The following MARCHF6 variants were observed in gnomAD, a reference collection of about 807,000 sequenced individuals.
MARCHF6 encodes the protein membrane associated ring-CH-type finger 6.
In MARCHF6, 31 loss-of-function variants were observed where a neutral mutation model predicts 133.7. The observed-to-expected ratio is 0.23, with a 90% CI of 0.17 to 0.31. MARCHF6 has a LOEUF of 0.31. Among genes scored for constraint, MARCHF6 ranks in the 10% least tolerant of loss-of-function variants. The pLI is 1.00. For missense variants in MARCHF6, 723 were observed against 1,121.6 expected (o/e 0.64, Z 5.08); for synonymous variants, 395 against 402.5 (o/e 0.98, Z 0.22).
At chr5:10,393,016 T>TG (rs1283085925) in intron 7 of MARCHF6, among the ~76,000 whole-genome samples, 5 of 152,182 alleles carry the variant, frequency 3.3e-5, no homozygotes, top group African/African-American at 9.7e-5. Flanking sequence ...TGATGAGTGT[T>TG]GTGCGGGTTG....
intron 1 of MARCHF6, among the ~76,000 whole-genome samples, chr5:10,362,050 A>G (rs984024278): frequency 1.3e-5 from 2 of 152,152 alleles, no homozygotes; most frequent in South Asian, 4.1e-4. Flanking sequence ...GGTGTGAGCC[A>G]CTGTGCCTGG....
intron 1 of MARCHF6, among the ~76,000 whole-genome samples, chr5:10,356,343 ATTTATTTTATTTTATTTTATTTTAT>A (rs56348470): frequency 1.2e-3 from 124 of 101,490 alleles, no homozygotes; most frequent in African/African-American, 2.1e-3. Context: ...TCTGTTTTTT[ATTTATTTTATTTTATTTTATTTTAT>A]TTTATTTTAT....
At chr5:10,381,360 T>C (rs1737132493) in intron 3 of MARCHF6, among the ~76,000 whole-genome samples, 1 of 152,222 alleles carries the variant, frequency 6.6e-6, no homozygotes, top group African/African-American at 2.4e-5. Context: ...CGGACTGTTG[T>C]GCTTTTTGAG....
intron 1 of MARCHF6, among the ~76,000 whole-genome samples, chr5:10,355,289 T>A (rs1735383041): frequency 6.6e-6 from 1 of 152,238 alleles, no homozygotes; most frequent in Admixed American, 6.5e-5. Flanking sequence ...TTTTGACAGG[T>A]GGTCCTTGCG....
intron 1 of MARCHF6, among the ~76,000 whole-genome samples, chr5:10,365,881 G>A (rs1006292131): frequency 1.3e-5 from 2 of 152,076 alleles, no homozygotes; most frequent in African/African-American, 4.8e-5. Flanking sequence ...AAGTAAGGGA[G>A]TGTGGTCATT....
At chr5:10,360,136 G>A (rs1045633551) in intron 1 of MARCHF6, among the ~76,000 whole-genome samples, 7 of 124,178 alleles carry the variant, frequency 5.6e-5, no homozygotes, top group African/African-American at 2.1e-4. Context: ...AAAGTTGTAT[G>A]TGTGTGTGTT....
Position 10,402,469 on chromosome 5 carries a change from C to G in MARCHF6, c.1122+17C>G, listed in dbSNP as rs759122728. 22 of 1,613,036 alleles carry G rather than the reference C, an allele frequency of 1.4e-5. No individual in the cohort carries two copies. Among genetic ancestry groups the G allele is most frequent in the Middle Eastern group, 1.6e-4 (1 of 6,080 alleles). On this transcript the variant is annotated intron_variant, in intron 13 of 25. Coordinates refer to ENST00000274140, the MANE Select transcript of MARCHF6 (RefSeq NM_005885.4). ...GTTGTTAAGGTAATTCCTGTTATAA[C>G]TTAAAATTGGAAATGATTTCTCCTA...
chr5:10,386,857 G>A, intron 4 of MARCHF6, 137 bp from the exon 5 acceptor site: 1 of 603,450 alleles, frequency 1.7e-6, no homozygotes, highest in Non-Finnish European at 3.1e-6. Flanking sequence ...TTAATATTTT[G>A]AGACTTAGGC....
rs1736945667 is a variant in MARCHF6, at chr5:10,378,848, A to G, written c.190+16A>G. ...TTTACACCAAGTAAGTTCTTTAGAC[A>G]TTTTCACTGCATTTTTTTTGGTTAT... On this transcript the variant is annotated intron_variant, in intron 3 of 25. Transcript: ENST00000274140. 1 of 1,569,072 alleles carries G rather than the reference A, an allele frequency of 6.4e-7. No homozygotes were observed. The highest frequency in any genetic ancestry group is 1.1e-5 in the South Asian group (1 of 89,052).
At chr5:10,380,931 A>C (rs1202850759) in intron 3 of MARCHF6, among the ~76,000 whole-genome samples, 1 of 151,984 alleles carries the variant, frequency 6.6e-6, no homozygotes, top group African/African-American at 2.4e-5. Flanking sequence ...TGACTCAAAA[A>C]AAAAAAAAAA....
chr5:10,418,322 G>A (rs1394195438), intron 22 of MARCHF6, among the ~76,000 whole-genome samples: 2 of 151,264 alleles, frequency 1.3e-5, no homozygotes, highest in Non-Finnish European at 2.9e-5. Flanking sequence ...CGCGGTTGCA[G>A]TGAGCTGAGA....
chr5:10,424,576 G>A (rs1415189362), intron 23 of MARCHF6, among the ~76,000 whole-genome samples: 1 of 152,186 alleles, frequency 6.6e-6, no homozygotes, highest in Non-Finnish European at 1.5e-5. Flanking sequence ...CATCAACCAC[G>A]TTTAAGCCAT....
chr5:10,418,681 G>A (rs561235641), intron 22 of MARCHF6, among the ~76,000 whole-genome samples: 1 of 152,158 alleles, frequency 6.6e-6, no homozygotes, highest in African/African-American at 2.4e-5. Flanking sequence ...TCCAGATGGA[G>A]AACCTCCACA....
At chr5:10,431,582 C>CTTTA (rs1740363167) in intron 25 of MARCHF6, among the ~76,000 whole-genome samples, 1 of 151,820 alleles carries the variant, frequency 6.6e-6, no homozygotes, top group African/African-American at 2.4e-5. Flanking sequence ...TATATGTACT[C>CTTTA]TTTAGCACAG....
chr5:10,414,912 C>A (rs1739417586), intron 20 of MARCHF6, among the ~76,000 whole-genome samples: 1 of 152,198 alleles, frequency 6.6e-6, no homozygotes, highest in Non-Finnish European at 1.5e-5. Flanking sequence ...ATCCATTTTT[C>A]ACATTCCAGC....
chr5:10,418,590 T>A (rs986801737), intron 22 of MARCHF6, among the ~76,000 whole-genome samples: 24 of 152,220 alleles, frequency 1.6e-4, no homozygotes, highest in Non-Finnish European at 5.9e-5. Flanking sequence ...GCTTTTTAGC[T>A]TTGTTTTTAT....
In MARCHF6 at chr5:10,434,296, C is replaced by T. The variant is rs910256574; in HGVS notation, c.*612C>T. ...CAAAGCTGTTGTACATTTCCTACTGCCTGATTTTTTTCATGTGTCTGTGTT... is the reference window on the plus strand; with the variant it reads ...CAAAGCTGTTGTACATTTCCTACTGTCTGATTTTTTTCATGTGTCTGTGTT... On this transcript the variant is annotated 3_prime_UTR_variant, in exon 26 of 26. Transcript: ENST00000274140. The T allele has an allele frequency of 1.3e-5, 2 of 152,784 alleles. No homozygotes were observed. The highest frequency in any genetic ancestry group is 2.9e-5 in the Non-Finnish European group (2 of 68,270). 9.5% of individuals were successfully genotyped at this position (152,784 alleles called of 1,614,324 possible).
At chr5:10,374,777 C>A (rs921147262) in intron 1 of MARCHF6, among the ~76,000 whole-genome samples, 1 of 152,170 alleles carries the variant, frequency 6.6e-6, no homozygotes, top group African/African-American at 2.4e-5. Flanking sequence ...CTAGCAGCTT[C>A]CAGGAAACCA....
At chr5:10,391,503 C>G in intron 6 of MARCHF6, 39 bp from the exon 7 acceptor site, 1 of 659,766 alleles carries the variant, frequency 1.5e-6, no homozygotes, top group South Asian at 1.5e-5. Context: ...GCAAAACAGA[C>G]AAGTGGATCT....
Sources: allele counts gnomAD v4.1 joint callset (sites outside exome capture counted in the v4.1 genomes callset), GRCh38; gene constraint gnomAD v4.1.1; transcripts MANE v1.5; gene names NCBI Gene and HGNC (gene_info 2026-07-23, HGNC 2026-07-21).